The following S100A10 variants were observed in gnomAD, a reference collection of about 807,000 sequenced individuals.
The protein encoded by S100A10 is S100 calcium binding protein A10, also known as protein S100-A10.
Under a neutral mutation model 7.1 loss-of-function variants are expected in S100A10, and 3 were observed. The ratio of observed to expected loss-of-function variants is 0.42; its 90% CI spans 0.19 to 1.10. S100A10 has a LOEUF of 1.10. S100A10 is among the 50% of genes least tolerant of loss of function. S100A10 has a pLI of 0.29. For missense variants in S100A10, 101 were observed against 118.1 expected (o/e 0.86, Z 0.67); for synonymous variants, 41 against 39.3 (o/e 1.04, Z -0.16).
intron 2 of S100A10, 30 bp from the exon 3 acceptor site, chr1:151,983,354 T>TAGA: frequency 6.8e-7 from 1 of 1,471,624 alleles, no homozygotes; most frequent in African/African-American, 1.4e-5. Flanking sequence ...AGGCAAGAAA[T>TAGA]AGAAGTCAAA....
At chr1:151,984,009 A>C (rs1655745940) in intron 2 of S100A10, 1 of 152,220 alleles carries the variant, frequency 6.6e-6, no homozygotes, top group Admixed American at 6.5e-5. Flanking sequence ...CATGACTCTC[A>C]GTGCCTGGTA....
intron 1 of S100A10, among the ~76,000 whole-genome samples, chr1:151,991,996 G>T (rs865920189): frequency 3.9e-5 from 6 of 152,160 alleles, no homozygotes; most frequent in South Asian, 4.2e-4. Flanking sequence ...CAAAAAAATT[G>T]TAAGAACCTA....
intron 1 of S100A10, among the ~76,000 whole-genome samples, chr1:151,990,014 A>G (rs1471610240): frequency 1.3e-5 from 2 of 152,194 alleles, no homozygotes; most frequent in East Asian, 1.9e-4. Flanking sequence ...AAGAACTACA[A>G]ATTATTCTGC....
At chr1:151,983,688 T>C (rs1655740830) in intron 2 of S100A10, among the ~76,000 whole-genome samples, 1 of 152,224 alleles carries the variant, frequency 6.6e-6, no homozygotes, top group African/African-American at 2.4e-5. Flanking sequence ...ATCACTGTCC[T>C]ATGGATTTTA....
Position 151,983,143 on chromosome 1 carries a change from A to G in S100A10, c.*20T>C. Reference sequence around the variant, plus strand: ...TTTGGGACAACTCTTATCAGGGAGGAGCGAACTGCTCATTTCTGCCTACTT... The same window carrying G: ...TTTGGGACAACTCTTATCAGGGAGGGGCGAACTGCTCATTTCTGCCTACTT... On this transcript the variant is annotated 3_prime_UTR_variant, in exon 3 of 3. Coordinates refer to ENST00000368811, the MANE Select transcript of S100A10 (RefSeq NM_002966.3). 1 of 1,530,752 alleles carries G rather than the reference A, an allele frequency of 6.5e-7. No individual in the cohort carries two copies. The highest frequency in any genetic ancestry group is 8.7e-7 in the Non-Finnish European group (1 of 1,143,904). 94.8% of individuals were successfully genotyped at this position (1,530,752 alleles called of 1,614,324 possible). A position where few individuals can be genotyped will look rare whatever the true frequency, so the allele number is the denominator to read the frequency against.
In S100A10 at chr1:151,993,346, C is replaced by T. The variant is rs991522252; in HGVS notation, c.-22+406G>A. 5.3e-5 allele frequency among the ~76,000 whole-genome samples: 8 copies of T among 152,130 alleles called. No homozygotes were observed. The highest frequency in any genetic ancestry group is 1.9e-4 in the African/African-American group (8 of 41,432). ...ATGCAGACCCGGCCTGCGAGCGGAA[C>T]CCACCAAGAAACACGCCAGCCAGGG... On this transcript the variant is annotated intron_variant, in intron 1 of 2. Transcript: ENST00000368811. The surrounding 1 kb of genome is among the most constrained non-coding windows in gnomAD (Gnocchi z 5.1).
chr1:151,990,018 A>G (rs1379289387), intron 1 of S100A10, among the ~76,000 whole-genome samples: 2 of 152,238 alleles, frequency 1.3e-5, no homozygotes, highest in Non-Finnish European at 2.9e-5. Context: ...ACTACAAATT[A>G]TTCTGCTTTT....
At chr1:151,984,284 A>T (rs965027505) in intron 2 of S100A10, 1 of 152,176 alleles carries the variant, frequency 6.6e-6, no homozygotes, top group Non-Finnish European at 1.5e-5. Context: ...AGTGTGCTAG[A>T]TGTTTCTAAA....
chr1:151,983,579 A>C (rs1275808950), intron 2 of S100A10, among the ~76,000 whole-genome samples: 4 of 151,830 alleles, frequency 2.6e-5, no homozygotes, highest in Non-Finnish European at 5.9e-5. Context: ...TTAAACTTAC[A>C]TTCTCTTATT....
At chr1:151,988,131 A>G (rs917077795) in intron 1 of S100A10, among the ~76,000 whole-genome samples, 2 of 152,212 alleles carry the variant, frequency 1.3e-5, no homozygotes, top group African/African-American at 2.4e-5. Context: ...ACATTTGGGT[A>G]TAATGAACTA....
Position 151,983,110 on chromosome 1 carries a change from A to C in S100A10, c.*53T>G. On this transcript the variant is annotated 3_prime_UTR_variant, in exon 3 of 3. Coordinates refer to ENST00000368811, the MANE Select transcript of S100A10 (RefSeq NM_002966.3). ...GGGAAGCTGTGGGGCAGATTCCTTA[A>C]GCGACCCTTTGGGACAACTCTTATC... The C allele has an allele frequency of 7.5e-7, 1 of 1,334,764 alleles. No homozygotes were observed. Among genetic ancestry groups the C allele is most frequent in the Non-Finnish European group, 9.8e-7 (1 of 1,015,582 alleles). 82.7% of individuals were successfully genotyped at this position (1,334,764 alleles called of 1,614,324 possible).
rs970045333 is a variant in S100A10 at position 151,983,081 on chromosome 1, A to G, written c.*82T>C. 1.1e-6 allele frequency: 1 copy of G among 949,572 alleles called. No individual in the cohort carries two copies. Among genetic ancestry groups the G allele is most frequent in the African/African-American group, 1.7e-5 (1 of 60,182 alleles). The allele number at this position is 949,572 out of a possible 1,614,324, so 58.8% of individuals were successfully genotyped here. On this transcript the variant is annotated 3_prime_UTR_variant, in exon 3 of 3. Transcript: ENST00000368811. ...CCTGATCTGCTCATGAAATCCTTCT[A>G]TGGGGGAAGCTGTGGGGCAGATTCC...
At chr1:151,991,254 GA>G (rs1655898371) in intron 1 of S100A10, among the ~76,000 whole-genome samples, 1 of 152,190 alleles carries the variant, frequency 6.6e-6, no homozygotes, top group African/African-American at 2.4e-5. Context: ...AGGGAATTCA[GA>G]AAAAATGAGT....
intron 2 of S100A10, among the ~76,000 whole-genome samples, chr1:151,985,522 TG>T (rs3838479): frequency 0.56 from 85,247 of 151,976 alleles, 24,242 homozygotes; most frequent in Admixed American, 0.66. Context: ...TGGAGTGATA[TG>T]TGGCTTTTAT....
chr1:151,986,661 G>A (rs577667661), intron 1 of S100A10, among the ~76,000 whole-genome samples: 4 of 152,354 alleles, frequency 2.6e-5, no homozygotes, highest in Admixed American at 2.6e-4. Flanking sequence ...CAGTGTTTAA[G>A]ATTCCACATG....
At chr1:151,989,334 C>G (rs747913866) in intron 1 of S100A10, among the ~76,000 whole-genome samples, 1 of 152,176 alleles carries the variant, frequency 6.6e-6, no homozygotes, top group African/African-American at 2.4e-5. Flanking sequence ...CCCTCCCCTC[C>G]TCCCCCAGCG....
At chr1:151,986,074 T>C in intron 2 of S100A10, 25 bp downstream of exon 2, 1 of 1,567,240 alleles carries the variant, frequency 6.4e-7, no homozygotes, top group Non-Finnish European at 8.6e-7. Flanking sequence ...TATGTCTGGT[T>C]CTTTGTAAGC....
At chr1:151,985,594 T>C (rs1197387316) in intron 2 of S100A10, among the ~76,000 whole-genome samples, 1 of 152,232 alleles carries the variant, frequency 6.6e-6, no homozygotes, top group Non-Finnish European at 1.5e-5. Flanking sequence ...AATCCCTTTA[T>C]CTGAAGAGAT....
In S100A10 at chr1:151,983,806, G is replaced by A. The variant is rs183186214; in HGVS notation, c.133-482C>T. Among the ~76,000 whole-genome samples the A allele has an allele frequency of 1.1e-4, 17 of 152,306 alleles. No homozygotes were observed. The East Asian group carries it at 1.4e-3, about 12-fold the overall frequency. On this transcript the variant is annotated intron_variant, in intron 2 of 2. Transcript: ENST00000368811. ...TGTGGCTTCATATCATATTAGCCAC[G>A]TGATGCTGAGTGAACCACACAGCTT...
Sources: allele counts gnomAD v4.1 joint callset (sites outside exome capture counted in the v4.1 genomes callset), GRCh38; gene constraint gnomAD v4.1.1; non-coding constraint Gnocchi (gnomAD v3.1); transcripts MANE v1.5; gene names NCBI Gene and HGNC (gene_info 2026-07-23, HGNC 2026-07-21).